TASP1: variants seen among roughly 807,000 people sequenced by gnomAD.
TASP1 encodes threonine aspartase 1.
TASP1 carries 16 observed loss-of-function variants against 56.6 expected under a neutral mutation model. The observed-to-expected ratio is 0.28, with a 90% CI of 0.19 to 0.43. TASP1 has a LOEUF of 0.43. Among genes scored for constraint, TASP1 ranks in the 20% least tolerant of loss-of-function variants. TASP1 has a pLI of 1.00. For synonymous variants in TASP1, 179 were observed against 184.2 expected (o/e 0.97, Z 0.23); for missense variants, 393 against 511.6 (o/e 0.77, Z 2.24).
chr20:13,462,660 G>A (rs6042130), intron 11 of TASP1, among the ~76,000 whole-genome samples: 8,924 of 152,094 alleles, frequency 0.059, 369 homozygotes, highest in African/African-American at 0.12. Context: ...CATACTAACA[G>A]TGAACAATCT....
chr20:13,392,382 A>C (rs1049514081), intron 13 of TASP1, among the ~76,000 whole-genome samples: 1 of 152,172 alleles, frequency 6.6e-6, no homozygotes, highest in Non-Finnish European at 1.5e-5. Context: ...TTCTTCTTTT[A>C]GCTCCTATAG....
chr20:13,123,444 G>T, the TASP1 span, among the ~76,000 whole-genome samples: 1 of 152,120 alleles, frequency 6.6e-6, no homozygotes, highest in African/African-American at 2.4e-5. Context: ...AAACTCCGAG[G>T]TAAGTATTAC....
At chr20:13,391,008 G>A (rs1314177358) in intron 13 of TASP1, among the ~76,000 whole-genome samples, 2 of 152,190 alleles carry the variant, frequency 1.3e-5, no homozygotes, top group East Asian at 1.9e-4. Context: ...TGGGGCCAAC[G>A]AAGAAATCTA....
At chr20:13,392,973 T>C (rs1311661902) in intron 13 of TASP1, 3 of 592,458 alleles carry the variant, frequency 5.1e-6, no homozygotes, top group Middle Eastern at 5.1e-4. Flanking sequence ...AGCCCACCAG[T>C]ATCTTCACGA....
At chr20:13,373,455 AG>A in the TASP1 span, among the ~76,000 whole-genome samples, 2 of 59,692 alleles carry the variant, frequency 3.4e-5, no homozygotes, top group Admixed American at 4.1e-4. Context: ...AAATTCTTTC[AG>A]TTTTTTTTTT....
intron 4 of TASP1, among the ~76,000 whole-genome samples, chr20:13,603,801 C>T (rs1335793715): frequency 6.6e-6 from 1 of 152,166 alleles, no homozygotes; most frequent in Non-Finnish European, 1.5e-5. Flanking sequence ...TTTCCCTGAA[C>T]TACTTTTCAA....
At chr20:13,370,861 T>G in the TASP1 span, among the ~76,000 whole-genome samples, 1 of 152,174 alleles carries the variant, frequency 6.6e-6, no homozygotes, top group Non-Finnish European at 1.5e-5. Context: ...ATAGGTCTAT[T>G]TAGATTTTCT....
chr20:13,429,001 G>A (rs1050163652), intron 12 of TASP1, among the ~76,000 whole-genome samples: 4 of 152,200 alleles, frequency 2.6e-5, no homozygotes, highest in Non-Finnish European at 5.9e-5. Flanking sequence ...CTGGTGGTAT[G>A]ATTCTTAGAA....
the TASP1 span, among the ~76,000 whole-genome samples, chr20:13,228,989 T>C: frequency 6.6e-6 from 1 of 152,164 alleles, no homozygotes; most frequent in Non-Finnish European, 1.5e-5. Context: ...AACCCAGGAC[T>C]GAATGAAATA....
the TASP1 span, among the ~76,000 whole-genome samples, chr20:13,259,191 G>C: frequency 6.6e-6 from 1 of 151,590 alleles, no homozygotes; most frequent in African/African-American, 2.4e-5. Context: ...TGAGGCAGGA[G>C]AATCGCTTGA....
At chr20:13,137,980 A>G in the TASP1 span, among the ~76,000 whole-genome samples, 1 of 152,148 alleles carries the variant, frequency 6.6e-6, no homozygotes. Flanking sequence ...CTGGACTCAG[A>G]ACAGCTTGGG....
intron 12 of TASP1, among the ~76,000 whole-genome samples, chr20:13,430,693 G>T (rs1431301366): frequency 6.6e-6 from 1 of 152,192 alleles, no homozygotes; most frequent in Non-Finnish European, 1.5e-5. Context: ...ACAGTCAAGG[G>T]CAGGGAAATT....
the TASP1 span, among the ~76,000 whole-genome samples, chr20:13,315,943 C>A: frequency 2.0e-5 from 3 of 151,732 alleles, 1 homozygote; most frequent in Admixed American, 2.0e-4. Context: ...ACACTTTGAA[C>A]TAAATGAAAA....
At chr20:13,394,758 T>C (rs2041458768) in intron 13 of TASP1, among the ~76,000 whole-genome samples, 1 of 152,166 alleles carries the variant, frequency 6.6e-6, no homozygotes, top group Non-Finnish European at 1.5e-5. Context: ...ACTGGCCGTG[T>C]AGTTATAATT....
chr20:13,108,945 A>C, the TASP1 span, among the ~76,000 whole-genome samples: 1 of 152,340 alleles, frequency 6.6e-6, no homozygotes, highest in East Asian at 1.9e-4. Context: ...GGACCTAAGT[A>C]TTTCAGTTTC....
At chr20:13,133,865 T>C in the TASP1 span, among the ~76,000 whole-genome samples, 6 of 152,206 alleles carry the variant, frequency 3.9e-5, no homozygotes, top group Admixed American at 1.3e-4. Flanking sequence ...CTTAACATCC[T>C]TTCCCTAACA....
the TASP1 span, chr20:13,270,848 C>T: frequency 1.9e-6 from 2 of 1,050,758 alleles, no homozygotes; most frequent in Non-Finnish European, 2.8e-6. Flanking sequence ...TCTTCTTAAC[C>T]CCTTAATGAT....
chr20:13,183,958 G>C, the TASP1 span, among the ~76,000 whole-genome samples: 1 of 151,474 alleles, frequency 6.6e-6, no homozygotes, highest in Non-Finnish European at 1.5e-5. Flanking sequence ...GAACCCAGGA[G>C]GCAGAGCTTG....
intron 12 of TASP1, among the ~76,000 whole-genome samples, chr20:13,432,047 T>C (rs1190640848): frequency 1.3e-5 from 2 of 152,230 alleles, no homozygotes; most frequent in Non-Finnish European, 2.9e-5. Context: ...TATTCTGTTA[T>C]AAGCAATAGA....
Sources: gnomAD v4.1 joint callset for allele counts (sites outside exome capture counted in the v4.1 genomes callset) on GRCh38, gnomAD v4.1.1 for gene constraint, MANE v1.5 for transcripts, NCBI Gene and HGNC (gene_info 2026-07-23, HGNC 2026-07-21) for gene names.